Variants in ATP5PO observed in about 807,000 individuals in gnomAD.
The protein encoded by ATP5PO is ATP synthase peripheral stalk subunit OSCP, also known as ATP synthase peripheral stalk subunit OSCP, mitochondrial.
A neutral mutation model predicts 26.2 loss-of-function variants in ATP5PO; 14 were observed. The observed-to-expected ratio is 0.53, with a 90% confidence interval of 0.35 to 0.83. ATP5PO has a LOEUF of 0.83. Ranked by LOEUF, ATP5PO falls within the 40% of genes least tolerant of loss-of-function variation. ATP5PO has a pLI of 0.01. For missense variants in ATP5PO, 241 were observed against 258.5 expected, an observed-to-expected ratio of 0.93 and a Z score of 0.46; for synonymous variants, 106 against 95.1, an observed-to-expected ratio of 1.12 and a Z score of -0.67.
At chr21:33,906,736 C>T (rs1341058807) in intron 5 of ATP5PO, 2 of 456,222 alleles carry the variant, frequency 4.4e-6, no homozygotes, top group Admixed American at 4.7e-5. Flanking sequence ...ACCTTTATTC[C>T]CAGCACTTTA....
At position 33,912,282 on chromosome 21, in the gene ATP5PO, TA is replaced by T; in HGVS notation, c.198+6del. The T allele has an allele frequency of 6.2e-7, 1 of 1,601,236 alleles. No homozygotes were observed. Among genetic ancestry groups the T allele is most frequent in the Non-Finnish European group, 8.5e-7 (1 of 1,170,814 alleles). On this transcript the variant is annotated splice_donor_region_variant and intron_variant, in intron 3 of 6. Transcript: ENST00000290299. ...CTTCATATGTAATGAATAGGAAAGC[TA>T]CTTACTGCTACTCTCAACAACTCCT...
chr21:33,912,463 A>C, intron 2 of ATP5PO, 64 bp from the exon 3 acceptor site: 25 of 1,102,112 alleles, frequency 2.3e-5, no homozygotes, highest in Non-Finnish European at 2.9e-5. Flanking sequence ...GTATACTCTC[A>C]AGAGCAGAAT....
At chr21:33,906,254 G>A (rs759806359) in intron 5 of ATP5PO, among the ~76,000 whole-genome samples, 2 of 152,166 alleles carry the variant, frequency 1.3e-5, no homozygotes. Flanking sequence ...CAGGTGCTAC[G>A]AATTCCAAGT....
At chr21:33,907,762 G>C (rs998495506) in intron 4 of ATP5PO, among the ~76,000 whole-genome samples, 2 of 152,142 alleles carry the variant, frequency 1.3e-5, no homozygotes, top group African/African-American at 4.8e-5. Context: ...GGAGTTTAAG[G>C]CTGCAGTGTG....
chr21:33,908,514 G>C (rs1377850473), intron 4 of ATP5PO, among the ~76,000 whole-genome samples: 1 of 152,094 alleles, frequency 6.6e-6, no homozygotes, highest in Non-Finnish European at 1.5e-5. Flanking sequence ...TCAAGACCAG[G>C]CTGGGCAACA....
intron 4 of ATP5PO, among the ~76,000 whole-genome samples, chr21:33,908,306 C>A (rs1176022177): frequency 6.6e-6 from 1 of 151,586 alleles, no homozygotes; most frequent in Non-Finnish European, 1.5e-5. Context: ...AGCTTGCAAT[C>A]TGATTTTCAT....
chr21:33,912,329 T>C lies in ATP5PO; in HGVS notation c.158A>G (p.Asn53Ser). 2 of 1,613,692 alleles carry C rather than the reference T, an allele frequency of 1.2e-6. No homozygotes were observed. The highest frequency in any genetic ancestry group is 1.7e-6 in the Non-Finnish European group (2 of 1,179,758). Residue 53 changes from asparagine to serine, a missense_variant, in exon 3 of 7, where the codon AAT becomes AGT. Asn to Ser is a conservative substitution (Grantham distance 46). Coordinates refer to ENST00000290299, the MANE Select transcript of ATP5PO (RefSeq NM_001697.3). ...CTCCTTTTCTACTTGCTCCAGCTTA[T>C]TCTGTTTTGATGCAGCAGAATAAAG... ...TALYSAASKQNKLEQVEKELL... is the reference protein window; with the variant it reads ...TALYSAASKQSKLEQVEKELL...
chr21:33,911,662 G>GTGT (rs71322251), intron 3 of ATP5PO, among the ~76,000 whole-genome samples: 1 of 92,080 alleles, frequency 1.1e-5, no homozygotes, highest in African/African-American at 4.1e-5. Context: ...ATAAGCATAG[G>GTGT]TTTTTTTTTT....
rs1987303260 is a variant in ATP5PO at position 33,915,591 on chromosome 21, C to T, written c.36+137G>A. 3.0e-6 allele frequency: 4 copies of T among 1,326,572 alleles called. No homozygotes were observed. The African/African-American group carries it at 6.0e-5, about 20-fold the overall frequency. 82.2% of individuals were successfully genotyped at this position (1,326,572 alleles called of 1,614,324 possible). A position where few individuals can be genotyped will look rare whatever the true frequency, so the allele number is the denominator to read the frequency against. On this transcript the variant is annotated intron_variant, in intron 1 of 6. Coordinates refer to ENST00000290299, the MANE Select transcript of ATP5PO (RefSeq NM_001697.3). ...AAACGCTGGGTCGTCCTGAGTCGCT[C>T]CCACTCGCCAGGTCCCATAACCTTG...
Position 33,912,395 on chromosome 21 carries a change from G to C in ATP5PO, c.92C>G (p.Pro31Arg). The change falls in exon 3 of 7, where the codon CCT becomes CGT. Residue 31 changes from proline (P) to arginine (R), a missense_variant. By Grantham distance (103) the Pro-to-Arg change is moderately radical (BLOSUM62 -2). Transcript: ENST00000290299. ...ACCTTCAATACCGTATACCTGAACA[G>C]GAGGCTTTAAAAAAAAGGTGAAATA... ...VRPFAKLVRP[P>R]VQVYGIEGRY... 6.2e-7 allele frequency: 1 copy of C among 1,604,982 alleles called. No homozygotes were observed. The highest frequency in any genetic ancestry group is 8.5e-7 in the Non-Finnish European group (1 of 1,174,542).
At position 33,904,037 on chromosome 21, in the gene ATP5PO, A is replaced by T. The variant is rs761767748; in HGVS notation, c.442-16T>A. 3.1e-6 allele frequency: 5 copies of T among 1,593,172 alleles called. No individual in the cohort carries two copies. In the Admixed American group the frequency reaches 6.9e-5, roughly 22 times the overall value. On this transcript the variant is annotated splice_polypyrimidine_tract_variant and intron_variant, in intron 5 of 6. Transcript: ENST00000290299. Reference sequence around the variant, plus strand: ...CTTCTAAAGGCTGAAAGGCAAAACCATCCTTTCAATTTAGATAAAGCAAAA... The same window carrying T: ...CTTCTAAAGGCTGAAAGGCAAAACCTTCCTTTCAATTTAGATAAAGCAAAA...
intron 4 of ATP5PO, chr21:33,908,773 C>T (rs1368682450): frequency 1.2e-5 from 3 of 247,482 alleles, no homozygotes; most frequent in Non-Finnish European, 2.3e-5. Context: ...AAGGTATAGC[C>T]ACAGGCCACG....
intron 2 of ATP5PO, among the ~76,000 whole-genome samples, chr21:33,914,007 T>C (rs1987281698): frequency 6.6e-6 from 1 of 152,158 alleles, no homozygotes; most frequent in Non-Finnish European, 1.5e-5. Flanking sequence ...CTCAAACTCC[T>C]GACCTCGTGA....
At position 33,907,337 on chromosome 21, in the gene ATP5PO, T is replaced by TG; in HGVS notation, c.441+3_441+4insC. On this transcript the variant is annotated splice_donor_region_variant and intron_variant, in intron 5 of 6. Transcript: ENST00000290299. Reference sequence around the variant, plus strand: ...AAACACAGCAGCAACAACCCGTTACTTACAGATGCAGAGGTCACTGTGCAA... The same window carrying TG: ...AAACACAGCAGCAACAACCCGTTACTGTACAGATGCAGAGGTCACTGTGCAA... The TG allele has an allele frequency of 6.2e-7, 1 of 1,608,996 alleles. No homozygotes were observed. Among genetic ancestry groups the TG allele is most frequent in the Non-Finnish European group, 8.5e-7 (1 of 1,175,528 alleles).
chr21:33,908,232 A>T (rs1305292850), intron 4 of ATP5PO, among the ~76,000 whole-genome samples: 2 of 147,194 alleles, frequency 1.4e-5, no homozygotes, highest in Non-Finnish European at 3.0e-5. Context: ...CGCATATCCA[A>T]TTTTTTTTTT....
chr21:33,909,256 A>G (rs1987216727), intron 3 of ATP5PO, 45 bp from the exon 4 acceptor site: 1 of 1,584,412 alleles, frequency 6.3e-7, no homozygotes, highest in Non-Finnish European at 8.6e-7. Context: ...TAGAGCACAA[A>G]TGAAGGATGT....
At chr21:33,913,981 T>C (rs1287177636) in intron 2 of ATP5PO, among the ~76,000 whole-genome samples, 2 of 152,270 alleles carry the variant, frequency 1.3e-5, no homozygotes, top group Non-Finnish European at 2.9e-5. Context: ...GGTTTCATCA[T>C]GTCGGCCAGG....
intron 6 of ATP5PO, 137 bp downstream of exon 6, chr21:33,903,792 CATTTAA>C (rs1334118606): frequency 9.3e-7 from 1 of 1,079,222 alleles, no homozygotes; most frequent in African/African-American, 1.6e-5. Context: ...GTCAGATAAT[CATTTAA>C]ATTTAAAATA....
At chr21:33,906,451 C>T (rs890613212) in intron 5 of ATP5PO, 9 of 335,498 alleles carry the variant, frequency 2.7e-5, no homozygotes, top group East Asian at 1.7e-4. Flanking sequence ...AGTCCCACCT[C>T]GTATGACTTT....
Sources: gnomAD v4.1 joint callset for allele counts (sites outside exome capture counted in the v4.1 genomes callset) on GRCh38, gnomAD v4.1.1 for gene constraint, MANE v1.5 for transcripts, NCBI Gene and HGNC (gene_info 2026-07-23, HGNC 2026-07-21) for gene names.